LUZP2: variants seen among roughly 807,000 people sequenced by gnomAD.
LUZP2 encodes leucine zipper protein 2.
In LUZP2, 52 loss-of-function variants were observed where a neutral mutation model predicts 51.6. The observed-to-expected ratio is 1.01, with a 90% CI of 0.81 to 1.27. LUZP2 has a LOEUF of 1.27. Among genes scored for constraint, LUZP2 ranks in the 50% most tolerant of loss-of-function variants. LUZP2 has a pLI of 0.00. For missense variants in LUZP2, 436 were observed against 395.4 expected (o/e 1.10, Z -0.87); for synonymous variants, 154 against 137.3 (o/e 1.12, Z -0.85).
intron 9 of LUZP2, among the ~76,000 whole-genome samples, chr11:24,989,596 G>C (rs1019383954): frequency 2.0e-5 from 3 of 152,028 alleles, no homozygotes; most frequent in Admixed American, 6.6e-5. Flanking sequence ...GACAAATATG[G>C]ACTCTGTGAA....
intron 7 of LUZP2, among the ~76,000 whole-genome samples, chr11:24,976,079 A>C (rs1855874298): frequency 6.6e-6 from 1 of 151,958 alleles, no homozygotes; most frequent in South Asian, 2.1e-4. Context: ...CTGTGAACAC[A>C]AATAAATATC....
At chr11:24,936,702 T>C (rs1026568063) in intron 7 of LUZP2, among the ~76,000 whole-genome samples, 4 of 152,270 alleles carry the variant, frequency 2.6e-5, no homozygotes, top group Admixed American at 6.5e-5. Context: ...ATTCACTTTT[T>C]CTATAGTCTT....
At chr11:24,717,631 G>T (rs1343469081) in intron 1 of LUZP2, among the ~76,000 whole-genome samples, 1 of 151,348 alleles carries the variant, frequency 6.6e-6, no homozygotes, top group Non-Finnish European at 1.5e-5. Context: ...TACCCAGGAT[G>T]GTCTCGATCT....
chr11:24,779,823 G>C (rs984320514), intron 5 of LUZP2, among the ~76,000 whole-genome samples: 1 of 151,802 alleles, frequency 6.6e-6, no homozygotes, highest in African/African-American at 2.4e-5. Context: ...AAGGCAGAGA[G>C]AGATTTGACA....
intron 5 of LUZP2, among the ~76,000 whole-genome samples, chr11:24,824,424 C>G (rs1358800843): frequency 7.7e-6 from 1 of 129,826 alleles, no homozygotes; most frequent in Non-Finnish European, 1.6e-5. Flanking sequence ...GATAGGAAAA[C>G]CTTGGAGGTA....
chr11:24,942,694 G>A (rs1379955538), intron 7 of LUZP2, among the ~76,000 whole-genome samples: 2 of 151,594 alleles, frequency 1.3e-5, no homozygotes, highest in Non-Finnish European at 2.9e-5. Flanking sequence ...TTTCTTAAAC[G>A]TAGCTTTCAA....
chr11:24,966,902 T>A (rs1855600562), intron 7 of LUZP2, among the ~76,000 whole-genome samples: 2 of 147,460 alleles, frequency 1.4e-5, no homozygotes, highest in African/African-American at 4.9e-5. Context: ...ATATATATAT[T>A]ATATATATAT....
rs1208717124 is a variant in LUZP2, at chr11:24,957,152, T to C, written c.523-19439T>C. Among the ~76,000 whole-genome samples, 3 of 152,148 alleles carry C rather than the reference T, an allele frequency of 2.0e-5. No individual in the cohort carries two copies. The East Asian group carries it at 5.8e-4, about 29-fold the overall frequency. On this transcript the variant is annotated intron_variant, in intron 7 of 11. Coordinates refer to ENST00000336930, the MANE Select transcript of LUZP2 (RefSeq NM_001009909.4). ...ACTGTTGGAGTGAAAGTAGCCCTGT[T>C]TGGAGTCAGAAAAATGCGGTACCAA...
chr11:24,699,191 A>T (rs1264228022), intron 1 of LUZP2, among the ~76,000 whole-genome samples: 1 of 151,842 alleles, frequency 6.6e-6, no homozygotes, highest in Non-Finnish European at 1.5e-5. Context: ...TGTCCCCGTA[A>T]GATTTCTATA....
intron 9 of LUZP2, among the ~76,000 whole-genome samples, chr11:24,994,619 T>C (rs972868204): frequency 5.3e-5 from 8 of 152,216 alleles, no homozygotes; most frequent in African/African-American, 1.9e-4. Flanking sequence ...TCATTGCATT[T>C]TTCAAATAAG....
At chr11:24,936,704 T>C (rs565400718) in intron 7 of LUZP2, among the ~76,000 whole-genome samples, 3 of 152,258 alleles carry the variant, frequency 2.0e-5, no homozygotes, top group African/African-American at 7.2e-5. Flanking sequence ...TCACTTTTTC[T>C]ATAGTCTTTG....
At chr11:24,929,012 C>A (rs1422888629) in intron 7 of LUZP2, among the ~76,000 whole-genome samples, 4 of 152,002 alleles carry the variant, frequency 2.6e-5, no homozygotes, top group East Asian at 3.9e-4. Context: ...CTAGTTTATG[C>A]ATGTAAAGGT....
Position 24,631,640 on chromosome 11 carries a change from G to A in LUZP2, c.63-97529G>A, listed in dbSNP as rs111457433. On this transcript the variant is annotated intron_variant, in intron 1 of 11. Transcript: ENST00000336930. ...AGGATTTTCACACCTGTGTTTATCAGGGATATCGGTCTGTAGTTGTGTGTG... is the reference window on the plus strand; with the variant it reads ...AGGATTTTCACACCTGTGTTTATCAAGGATATCGGTCTGTAGTTGTGTGTG... Among the ~76,000 whole-genome samples the A allele has an allele frequency of 3.7e-3, 561 of 152,004 alleles. 3 individuals carry two copies. The highest frequency in any genetic ancestry group is 0.013 in the African/African-American group (538 of 41,500).
At chr11:24,998,996 A>G (rs1856594616) in intron 9 of LUZP2, among the ~76,000 whole-genome samples, 1 of 152,152 alleles carries the variant, frequency 6.6e-6, no homozygotes, top group Non-Finnish European at 1.5e-5. Flanking sequence ...CCTTCAGGTT[A>G]TTCCTAGTTC....
chr11:24,569,756 G>A (rs1427233834), intron 1 of LUZP2, among the ~76,000 whole-genome samples: 2 of 151,772 alleles, frequency 1.3e-5, no homozygotes, highest in Non-Finnish European at 2.9e-5. Flanking sequence ...ACAAACAATA[G>A]ATGCTGAATG....
At chr11:24,918,020 G>A (rs1853856974) in intron 7 of LUZP2, among the ~76,000 whole-genome samples, 1 of 151,900 alleles carries the variant, frequency 6.6e-6, no homozygotes, top group East Asian at 1.9e-4. Flanking sequence ...TTGAGCAGTG[G>A]TTTGTAGTTC....
intron 5 of LUZP2, chr11:24,831,875 T>C (rs1251958065): frequency 6.6e-6 from 1 of 152,516 alleles, no homozygotes; most frequent in African/African-American, 2.4e-5. Context: ...CATACAAATG[T>C]TTGTGTATTT....
intron 10 of LUZP2, among the ~76,000 whole-genome samples, chr11:25,051,049 A>G (rs1858494233): frequency 6.6e-6 from 1 of 152,226 alleles, no homozygotes. Context: ...TCCAACTTGA[A>G]AAGTGTCTGA....
At chr11:24,920,503 C>G (rs1854010909) in intron 7 of LUZP2, among the ~76,000 whole-genome samples, 2 of 151,978 alleles carry the variant, frequency 1.3e-5, no homozygotes, top group Admixed American at 6.6e-5. Flanking sequence ...AGGTTTATCA[C>G]AGTACTATTC....
Sources: allele counts gnomAD v4.1 joint callset (sites outside exome capture counted in the v4.1 genomes callset), GRCh38; gene constraint gnomAD v4.1.1; transcripts MANE v1.5; gene names NCBI Gene and HGNC (gene_info 2026-07-23, HGNC 2026-07-21).